KIAA1586: variants seen among roughly 807,000 people sequenced by gnomAD.
KIAA1586 encodes KIAA1586.
Under a neutral mutation model 6.1 loss-of-function variants are expected in KIAA1586, and 5 were observed. That is an observed-to-expected ratio of 0.82 (90% confidence interval 0.43 to 1.73). The LOEUF is 1.73. Among genes scored for constraint, KIAA1586 ranks in the 40% most tolerant of loss-of-function variants. The pLI, the probability that KIAA1586 is intolerant of heterozygous loss-of-function variation, is 0.02. For missense variants in KIAA1586, 899 were observed against 878.2 expected, an observed-to-expected ratio of 1.02 and a Z score of -0.30; for synonymous variants, 280 against 301.7, an observed-to-expected ratio of 0.93 and a Z score of 0.75.
In KIAA1586 at chr6:57,054,755, A is replaced by C; in HGVS notation, c.2256A>C (p.Val752=). The change falls in exon 4 of 4, where the codon GTA becomes GTC. Residue 752 remains valine, a synonymous_variant. Transcript: ENST00000370733. The part of the protein sequence containing the change: ...ELADWDATPF[V]KSWSNCNHRL... ...CAGATTGGGATGCAACACCGTTTGT[A>C]AAATCTTGGTCAAATTGCAACCACA... 6.4e-7 allele frequency: 1 copy of C among 1,551,414 alleles called. No homozygotes were observed. The highest frequency in any genetic ancestry group is 8.7e-7 in the Non-Finnish European group (1 of 1,146,812).
the KIAA1586 span, among the ~76,000 whole-genome samples, chr6:57,065,156 A>G: frequency 9.9e-5 from 15 of 152,222 alleles, no homozygotes; most frequent in African/African-American, 3.6e-4. Context: ...GCATTTTCTT[A>G]ATTTTAATTG....
At chr6:57,046,966 C>A (rs549347322) in intron 1 of KIAA1586, 190 bp downstream of exon 1, 4 of 757,002 alleles carry the variant, frequency 5.3e-6, no homozygotes, top group East Asian at 6.0e-5. Flanking sequence ...GGCCGCCCGG[C>A]CCCCCGCACG....
At position 57,053,853 on chromosome 6, in the gene KIAA1586, C is replaced by T. The variant is rs774838231; in HGVS notation, c.1354C>T (p.His452Tyr). Residue 452 changes from histidine to tyrosine, a missense_variant, in exon 4 of 4, where the codon CAT (histidine) becomes TAT (tyrosine). His to Tyr is a moderately conservative substitution (Grantham distance 83). Coordinates refer to ENST00000370733, the MANE Select transcript of KIAA1586 (RefSeq NM_020931.4). ...TATTGATAAAATTTATTCTATTTAT[C>T]ATCAACCTAATAAAAATCAAACCAA... ...IFIDKIYSIY[H>Y]QPNKNQTKLL... 6.5e-7 allele frequency: 1 copy of T among 1,536,534 alleles called. No homozygotes were observed. Among genetic ancestry groups the T allele is most frequent in the South Asian group, 1.2e-5 (1 of 80,072 alleles).
At position 57,052,715 on chromosome 6, in the gene KIAA1586, G is replaced by C. The variant is rs774891326; in HGVS notation, c.216G>C (p.Gln72His). 2.5e-6 allele frequency: 4 copies of C among 1,572,980 alleles called. No individual in the cohort carries two copies. The South Asian group carries it at 4.8e-5, about 19-fold the overall frequency. The change falls in exon 4 of 4, where the codon CAG (glutamine) becomes CAC (histidine). Residue 72 changes from glutamine to histidine, a missense_variant. Physicochemically the swap from Gln to His is conservative, Grantham distance 24. Coordinates refer to ENST00000370733, the MANE Select transcript of KIAA1586 (RefSeq NM_020931.4). ...DILFPKMPKR[Q>H]GDFLHFLNVK... The stretch of plus-strand genomic sequence containing the variant: ...TGTTTCCTAAAATGCCAAAACGACA[G>C]GGTGATTTTTTGCATTTTTTAAATG...
the KIAA1586 span, among the ~76,000 whole-genome samples, chr6:57,063,197 T>C: frequency 6.6e-6 from 1 of 152,170 alleles, no homozygotes; most frequent in Non-Finnish European, 1.5e-5. Flanking sequence ...TTTGGATTCT[T>C]GAATGAGGTA....
chr6:57,063,069 T>C, the KIAA1586 span, among the ~76,000 whole-genome samples: 1 of 151,966 alleles, frequency 6.6e-6, no homozygotes, highest in Admixed American at 6.6e-5. Flanking sequence ...AAAAAAAAAT[T>C]GGAAATTTAA....
chr6:57,056,727 G>A (rs983220995), downstream of KIAA1586, among the ~76,000 whole-genome samples: 3 of 151,652 alleles, frequency 2.0e-5, no homozygotes, highest in Non-Finnish European at 4.4e-5. Flanking sequence ...TTGTAGAGAT[G>A]GGGTTTTGCC....
At chr6:57,061,028 A>G in the KIAA1586 span, among the ~76,000 whole-genome samples, 2 of 150,246 alleles carry the variant, frequency 1.3e-5, no homozygotes, top group South Asian at 2.1e-4. Context: ...ACCAGGCTGT[A>G]GTACAATGGC....
At chr6:57,055,777 C>A (rs1259413856), downstream of KIAA1586, among the ~76,000 whole-genome samples, 1 of 152,170 alleles carries the variant, frequency 6.6e-6, no homozygotes, top group Non-Finnish European at 1.5e-5. Context: ...ACAACTGGAA[C>A]AGTAAACAGA....
At position 57,053,541 on chromosome 6, in the gene KIAA1586, T is replaced by C. The variant is rs1203647267; in HGVS notation, c.1042T>C (p.Phe348Leu). Residue 348 changes from phenylalanine (F) to leucine (L), a missense_variant, in exon 4 of 4, where the codon TTT (phenylalanine) becomes CTT (leucine). Phe to Leu is a conservative substitution (Grantham distance 22). Coordinates refer to ENST00000370733, the MANE Select transcript of KIAA1586 (RefSeq NM_020931.4). ...GTCAGCTCCTGCACCTGTTATGTTA[T>C]TTGTGGCTTTAAAAGAATTGGTGTC... is the stretch of plus-strand genomic sequence containing the variant. The part of the protein sequence containing the change: ...IQSAPAPVML[F>L]VALKELVSTI... The C allele has an allele frequency of 3.1e-6, 5 of 1,613,450 alleles. No individual in the cohort carries two copies. The highest frequency in any genetic ancestry group is 4.2e-6 in the Non-Finnish European group (5 of 1,179,636).
chr6:57,053,466 A>G lies in KIAA1586; in HGVS notation c.967A>G (p.Thr323Ala), dbSNP rs772420455. The G allele has an allele frequency of 5.0e-6, 8 of 1,613,144 alleles. No homozygotes were observed. The highest frequency in any genetic ancestry group is 6.8e-6 in the Non-Finnish European group (8 of 1,179,502). ...CTGTATCATAATTGATGAGGCATCTACAGTTTCAAAGAAAACCACCCTAGT... is the reference window on the plus strand; with the variant it reads ...CTGTATCATAATTGATGAGGCATCTGCAGTTTCAAAGAAAACCACCCTAGT... Reference protein sequence around the residue: ...KICIIIDEASTVSKKTTLVIY... With the variant: ...KICIIIDEASAVSKKTTLVIY... The change falls in exon 4 of 4, where the codon ACA becomes GCA. Residue 323 changes from threonine (T) to alanine (A), a missense_variant. Physicochemically the swap from Thr to Ala is moderately conservative, Grantham distance 58 (BLOSUM62 0). Transcript: ENST00000370733.
At chr6:57,049,508 C>T (rs1309116624) in intron 2 of KIAA1586, among the ~76,000 whole-genome samples, 1 of 152,110 alleles carries the variant, frequency 6.6e-6, no homozygotes, top group African/African-American at 2.4e-5. Context: ...TGTGTTCTGT[C>T]ATGTACCTAG....
At chr6:57,065,297 G>C in the KIAA1586 span, among the ~76,000 whole-genome samples, 6 of 152,050 alleles carry the variant, frequency 3.9e-5, no homozygotes, top group Admixed American at 3.9e-4. Context: ...CAGAGGAGGA[G>C]GAGAAAGAGG....
At chr6:57,057,862 C>T (rs1272955406), downstream of KIAA1586, among the ~76,000 whole-genome samples, 3 of 152,058 alleles carry the variant, frequency 2.0e-5, no homozygotes, top group African/African-American at 7.2e-5. Flanking sequence ...GTGGCATGAT[C>T]ATGGCTTACT....
chr6:57,053,887 GA>G lies in KIAA1586; in HGVS notation c.1390del (p.Thr464LeufsTer2), dbSNP rs1424167516. ...AATAAAAATCAAACCAAGCTTCTAG[GA>G]ACTGTAGCTAAAGAACTTGAAACTG... ...QPNKNQTKLL[G>X]TVAKELETEI... On this transcript the variant is annotated frameshift_variant, in exon 4 of 4. Transcript: ENST00000370733. LOFTEE classifies it low-confidence loss of function (END_TRUNC). The G allele has an allele frequency of 5.1e-6, 8 of 1,576,654 alleles. No individual in the cohort carries two copies. The highest frequency in any genetic ancestry group is 1.4e-5 in the African/African-American group (1 of 73,268).
rs995121171 is a variant in KIAA1586, at chr6:57,052,861, C to T, written c.362C>T (p.Ser121Leu). 8 of 1,612,530 alleles carry T rather than the reference C, an allele frequency of 5.0e-6. No homozygotes were observed. The highest frequency in any genetic ancestry group is 5.9e-6 in the Non-Finnish European group (7 of 1,179,472). Residue 121 changes from serine (S) to leucine (L), a missense_variant, in exon 4 of 4, where the codon TCA (serine) becomes TTA (leucine). Ser to Leu is a moderately radical substitution (Grantham distance 145, BLOSUM62 -2). Coordinates refer to ENST00000370733, the MANE Select transcript of KIAA1586 (RefSeq NM_020931.4). ...IEQPIIEEKP[S>L]LSSKKEIDNL... is the part of the protein sequence containing the mutation. ...CAACCAATCATTGAAGAAAAGCCATCACTTTCATCAAAGAAAGAAATAGAT... is the reference window on the plus strand; with the variant it reads ...CAACCAATCATTGAAGAAAAGCCATTACTTTCATCAAAGAAAGAAATAGAT...
At chr6:57,064,484 C>G in the KIAA1586 span, among the ~76,000 whole-genome samples, 4 of 152,190 alleles carry the variant, frequency 2.6e-5, no homozygotes, top group Non-Finnish European at 5.9e-5. Context: ...GCATTTTCAT[C>G]TCTTCAATGA....
chr6:57,048,647 T>G (rs925301080), intron 2 of KIAA1586, among the ~76,000 whole-genome samples: 6 of 152,176 alleles, frequency 3.9e-5, no homozygotes, highest in Non-Finnish European at 8.8e-5. Flanking sequence ...GAAGAGGAGT[T>G]CATGGGTCTT....
At position 57,053,190 on chromosome 6, in the gene KIAA1586, A is replaced by G. The variant is rs756396365; in HGVS notation, c.691A>G (p.Ile231Val). 7 of 1,606,166 alleles carry G rather than the reference A, an allele frequency of 4.4e-6. No individual in the cohort carries two copies. In the African/African-American group the frequency reaches 8.1e-5, roughly 19 times the overall value. ...GTTAAAGGAATCAACTAATGATTCAATTTGTAATTTAGTGCATAAACAAAA... is the reference window on the plus strand; with the variant it reads ...GTTAAAGGAATCAACTAATGATTCAGTTTGTAATTTAGTGCATAAACAAAA... ...DLLKESTNDS[I>V]CNLVHKQNNK... The change falls in exon 4 of 4, where the codon ATT becomes GTT. Residue 231 changes from isoleucine to valine, a missense_variant. Transcript: ENST00000370733.
Sources: gnomAD v4.1 joint callset for allele counts (sites outside exome capture counted in the v4.1 genomes callset) on GRCh38, gnomAD v4.1.1 for gene constraint, MANE v1.5 for transcripts, NCBI Gene and HGNC (gene_info 2026-07-23, HGNC 2026-07-21) for gene names.